The following FAM131A variants were observed in gnomAD, a reference collection of about 807,000 sequenced individuals.
FAM131A encodes the protein protein FAM131A.
Under a neutral mutation model 39.2 loss-of-function variants are expected in FAM131A, and 24 were observed. The observed-to-expected ratio is 0.61, with a 90% confidence interval of 0.44 to 0.86. FAM131A has a LOEUF of 0.86. Among genes scored for constraint, FAM131A ranks in the 40% least tolerant of loss-of-function variants. The pLI is 0.00. For synonymous variants in FAM131A, 202 were observed against 206.8 expected (o/e 0.98, Z 0.20); for missense variants, 373 against 481.2 (o/e 0.78, Z 2.10).
At chr3:184,343,068 C>A in intron 5 of FAM131A, 1 of 407,212 alleles carries the variant, frequency 2.5e-6, no homozygotes, top group Admixed American at 3.7e-5. Flanking sequence ...TCGTTCCTTT[C>A]CCACAGGTGC....
In FAM131A at chr3:184,342,357, G is replaced by A. The variant is rs1036943157; in HGVS notation, c.508+109G>A. On this transcript the variant is annotated intron_variant, in intron 4 of 5. Transcript: ENST00000383847. The surrounding 1 kb of genome is among the most constrained non-coding windows in gnomAD (Gnocchi z 4.6). The stretch of plus-strand genomic sequence containing the variant: ...GAGTCTCACTCTGTCGCCCAGGCTG[G>A]AGTGCAGTGATGCAATCTCAGCTCA... 1 of 1,323,126 alleles carries A rather than the reference G, an allele frequency of 7.6e-7. No individual in the cohort carries two copies. The highest frequency in any genetic ancestry group is 1.5e-5 in the African/African-American group (1 of 67,448). 82.0% of individuals were successfully genotyped at this position (1,323,126 alleles called of 1,614,324 possible). A position where few individuals can be genotyped will look rare whatever the true frequency, so the allele number is the denominator to read the frequency against.
Position 184,345,087 on chromosome 3 carries a change from G to A in FAM131A, c.*117G>A. 5.0e-6 allele frequency: 5 copies of A among 995,832 alleles called. No individual in the cohort carries two copies. Among genetic ancestry groups the A allele is most frequent in the Non-Finnish European group, 7.1e-6 (5 of 701,090 alleles). The allele number at this position is 995,832 out of a possible 1,614,324, so 61.7% of individuals were successfully genotyped here. A position where few individuals can be genotyped will look rare whatever the true frequency, so the allele number is the denominator to read the frequency against. On this transcript the variant is annotated 3_prime_UTR_variant, in exon 6 of 6. Transcript: ENST00000383847. ...AGCTCCACAGCCTAGAGGGCTCCTG[G>A]GAGCGCTCGCTTCTCCGTTGTGTGT... is the stretch of plus-strand genomic sequence containing the variant.
Position 184,345,585 on chromosome 3 carries a change from CTG to C in FAM131A, c.*617_*618del. 1.4e-6 allele frequency: 1 copy of C among 703,250 alleles called. No homozygotes were observed. Among genetic ancestry groups the C allele is most frequent in the Non-Finnish European group, 2.6e-6 (1 of 385,046 alleles). The allele number at this position is 703,250 out of a possible 1,614,324, so 43.6% of individuals were successfully genotyped here. A position where few individuals can be genotyped will look rare whatever the true frequency, so the allele number is the denominator to read the frequency against. ...TTCCTAAAGACAGAAGGTTTTTGGT[CTG>C]TTTTTTCAGTCGGATCTTCTCTTCT... is the stretch of plus-strand genomic sequence containing the variant. On this transcript the variant is annotated 3_prime_UTR_variant, in exon 6 of 6. Coordinates refer to ENST00000383847, the MANE Select transcript of FAM131A (RefSeq NM_144635.5).
At chr3:184,337,515 C>A, upstream of FAM131A, 1 of 877,634 alleles carries the variant, frequency 1.1e-6, no homozygotes, top group South Asian at 1.5e-5. Flanking sequence ...TGACTAGGCA[C>A]AGGTTCCAAA....
intron 5 of FAM131A, among the ~76,000 whole-genome samples, 196 bp from the exon 6 acceptor site, chr3:184,344,299 T>C (rs1727513638): frequency 6.6e-6 from 1 of 152,268 alleles, no homozygotes; most frequent in East Asian, 1.9e-4. Flanking sequence ...GCGAGACTCT[T>C]GTTCTTGTAT....
At chr3:184,343,230 T>G (rs1203584401) in intron 5 of FAM131A, 1 of 168,978 alleles carries the variant, frequency 5.9e-6, no homozygotes, top group African/African-American at 2.4e-5. Context: ...CGAGGCAGCC[T>G]TCTGGCTGGC....
At chr3:184,336,444 C>T (rs1560239637), upstream of FAM131A, among the ~76,000 whole-genome samples, 1 of 152,198 alleles carries the variant, frequency 6.6e-6, no homozygotes, top group Non-Finnish European at 1.5e-5. This position sits in a 1 kb window ranked among gnomAD's most constrained non-coding sequence, Gnocchi z 5.5. Flanking sequence ...GATGCCCCCA[C>T]CACTCCAGCC....
At position 184,342,934 on chromosome 3, in the gene FAM131A, A is replaced by G. The variant is rs1220534802; in HGVS notation, c.625+74A>G. 9.1e-6 allele frequency: 12 copies of G among 1,314,172 alleles called. No homozygotes were observed. The highest frequency in any genetic ancestry group is 1.7e-5 in the Admixed American group (1 of 58,506). 81.4% of individuals were successfully genotyped at this position (1,314,172 alleles called of 1,614,324 possible). On this transcript the variant is annotated intron_variant, in intron 5 of 5. Coordinates refer to ENST00000383847, the MANE Select transcript of FAM131A (RefSeq NM_144635.5). The surrounding 1 kb of genome is among the most constrained non-coding windows in gnomAD (Gnocchi z 4.6). The stretch of plus-strand genomic sequence containing the variant: ...TTGGCATTCTTTCAGAGCCACATCC[A>G]GAACACTCTCAGCCTTTGCAAGGGG...
At chr3:184,341,990 C>A in intron 3 of FAM131A, 76 bp from the exon 4 acceptor site, 1 of 1,576,154 alleles carries the variant, frequency 6.3e-7, no homozygotes, top group Non-Finnish European at 8.7e-7. Flanking sequence ...TAACTACTGC[C>A]ACCCTTCCAC....
intron 5 of FAM131A, among the ~76,000 whole-genome samples, chr3:184,344,050 A>T (rs918827461): frequency 1.3e-5 from 2 of 151,980 alleles, no homozygotes; most frequent in Non-Finnish European, 2.9e-5. Flanking sequence ...CAATGGCACG[A>T]TCTCGGCTCA....
chr3:184,337,417 G>T (rs1337670323), upstream of FAM131A: 7 of 579,094 alleles, frequency 1.2e-5, no homozygotes, highest in Admixed American at 2.1e-4. Context: ...TAGGGAATGG[G>T]CCTCAGCTCC....
chr3:184,338,597 C>A (rs968839272), intron 2 of FAM131A, 68 bp downstream of exon 2: 1 of 1,498,348 alleles, frequency 6.7e-7, no homozygotes, highest in African/African-American at 1.4e-5. Context: ...CAGCCCCCAC[C>A]CACGCCTGGC....
Position 184,345,033 on chromosome 3 carries a change from C to T in FAM131A, c.*63C>T. On this transcript the variant is annotated 3_prime_UTR_variant, in exon 6 of 6. Transcript: ENST00000383847. ...TGCTGCCAGGGGCAGAGCCTCTGTG[C>T]CCAAGTGTGGGCTCAAGGCTCCCAG... is the stretch of plus-strand genomic sequence containing the variant. 7.1e-7 allele frequency: 1 copy of T among 1,412,014 alleles called. No individual in the cohort carries two copies. The highest frequency in any genetic ancestry group is 9.3e-7 in the Non-Finnish European group (1 of 1,069,728). The allele number at this position is 1,412,014 out of a possible 1,614,324, so 87.5% of individuals were successfully genotyped here. A position where few individuals can be genotyped will look rare whatever the true frequency, so the allele number is the denominator to read the frequency against.
At chr3:184,338,632 C>T (rs1446234674) in intron 2 of FAM131A, 103 bp downstream of exon 2, 3 of 1,456,968 alleles carry the variant, frequency 2.1e-6, no homozygotes, top group South Asian at 2.6e-5. Context: ...CTCCCTTTTC[C>T]GGCGGGCGGA....
At chr3:184,341,866 G>T in intron 3 of FAM131A, 49 bp downstream of exon 3, 3 of 1,592,138 alleles carry the variant, frequency 1.9e-6, no homozygotes, top group Non-Finnish European at 2.6e-6. Context: ...TTCTCCTCCC[G>T]TTTGCACATC....
At position 184,345,000 on chromosome 3, in the gene FAM131A, C is replaced by A; in HGVS notation, c.*30C>A. On this transcript the variant is annotated 3_prime_UTR_variant, in exon 6 of 6. Transcript: ENST00000383847. Reference sequence around the variant, plus strand: ...CATCATGCCTGGCAGTGGCATGCATCCCCCGGCTGCTGCCAGGGGCAGAGC... The same window carrying A: ...CATCATGCCTGGCAGTGGCATGCATACCCCGGCTGCTGCCAGGGGCAGAGC... 2 of 1,470,424 alleles carry A rather than the reference C, an allele frequency of 1.4e-6. No individual in the cohort carries two copies. The highest frequency in any genetic ancestry group is 1.8e-6 in the Non-Finnish European group (2 of 1,108,742). The allele number at this position is 1,470,424 out of a possible 1,614,324, so 91.1% of individuals were successfully genotyped here.
chr3:184,341,965 G>A (rs764076132), intron 3 of FAM131A, 101 bp from the exon 4 acceptor site: 4 of 1,533,808 alleles, frequency 2.6e-6, no homozygotes, highest in Middle Eastern at 1.7e-4. Context: ...CCCACCCAAA[G>A]GTTCACATGG....
chr3:184,340,447 C>T (rs1727323861), intron 2 of FAM131A: 1 of 150,756 alleles, frequency 6.6e-6, no homozygotes, highest in Admixed American at 6.6e-5. Context: ...TTGCCTCAGC[C>T]TCCTGAGTAG....
rs1727452346 is a variant in FAM131A at position 184,342,971 on chromosome 3, C to T, written c.625+111C>T. 1 of 929,380 alleles carries T rather than the reference C, an allele frequency of 1.1e-6. No individual in the cohort carries two copies. The highest frequency in any genetic ancestry group is 1.9e-5 in the Admixed American group (1 of 53,540). The allele number at this position is 929,380 out of a possible 1,614,324, so 57.6% of individuals were successfully genotyped here. ...GCCTTTGCAAGGGGAGGGAGAGGGA[C>T]AGACTCAGTCCAGGCAGGCCTGGAC... On this transcript the variant is annotated intron_variant, in intron 5 of 5. Transcript: ENST00000383847. This position sits in a 1 kb window ranked among gnomAD's most constrained non-coding sequence, Gnocchi z 4.6.
Sources: gnomAD v4.1 joint callset for allele counts (sites outside exome capture counted in the v4.1 genomes callset) on GRCh38, gnomAD v4.1.1 for gene constraint, Gnocchi (gnomAD v3.1) non-coding constraint, MANE v1.5 for transcripts, NCBI Gene and HGNC (gene_info 2026-07-23, HGNC 2026-07-21) for gene names.